Variants in RALGPS1 observed in about 807,000 individuals in gnomAD.
RALGPS1 encodes Ral GEF with PH domain and SH3 binding motif 1, also known as ras-specific guanine nucleotide-releasing factor RalGPS1.
Under a neutral mutation model 78.8 loss-of-function variants are expected in RALGPS1, and 19 were observed. The observed-to-expected ratio is 0.24, with a 90% CI of 0.17 to 0.35. The LOEUF is 0.35. Among genes scored for constraint, RALGPS1 ranks in the 10% least tolerant of loss-of-function variants. The pLI, the probability that RALGPS1 is intolerant of heterozygous loss-of-function variation, is 1.00. For missense variants in RALGPS1, 454 were observed against 688.3 expected (o/e 0.66, Z 3.81); for synonymous variants, 228 against 256.3 (o/e 0.89, Z 1.06).
rs1320287552 is a variant in RALGPS1, at chr9:127,220,881, C to G, written c.*2112C>G. On this transcript the variant is annotated 3_prime_UTR_variant, in exon 19 of 19. Coordinates refer to ENST00000259351, the MANE Select transcript of RALGPS1 (RefSeq NM_014636.3). The stretch of plus-strand genomic sequence containing the variant: ...AGGCACCACAAAAACAGGTAATTTT[C>G]TATCCCTTATAAGTTTGTCTTTTCT... The G allele has an allele frequency of 6.6e-6, 1 of 152,634 alleles. No individual in the cohort carries two copies. Among genetic ancestry groups the G allele is most frequent in the Non-Finnish European group, 1.5e-5 (1 of 68,040 alleles). The allele number at this position is 152,634 out of a possible 1,614,324, so 9.5% of individuals were successfully genotyped here.
chr9:127,085,916 A>C (rs998938853), intron 8 of RALGPS1, among the ~76,000 whole-genome samples: 1 of 152,180 alleles, frequency 6.6e-6, no homozygotes, highest in African/African-American at 2.4e-5. Context: ...TGTGATCCCA[A>C]CAACTGACTA....
At chr9:126,932,257 G>A (rs1481426130) in intron 1 of RALGPS1, among the ~76,000 whole-genome samples, 3 of 152,216 alleles carry the variant, frequency 2.0e-5, no homozygotes, top group Non-Finnish European at 4.4e-5. Context: ...TGTTGGTGAG[G>A]TTGTGGAGCG....
intron 8 of RALGPS1, among the ~76,000 whole-genome samples, chr9:127,142,145 G>A (rs557387633): frequency 4.0e-4 from 61 of 152,342 alleles, no homozygotes; most frequent in African/African-American, 1.3e-3. Flanking sequence ...CTGCCCTGCG[G>A]TCTGAGCCCT....
intron 8 of RALGPS1, among the ~76,000 whole-genome samples, chr9:127,162,526 G>T (rs1008443461): frequency 6.6e-6 from 1 of 152,208 alleles, no homozygotes; most frequent in African/African-American, 2.4e-5. Flanking sequence ...TTATAGGGAA[G>T]TTCTTTCTAG....
intron 1 of RALGPS1, among the ~76,000 whole-genome samples, chr9:126,947,360 A>G (rs1397828396): frequency 6.6e-6 from 1 of 152,218 alleles, no homozygotes; most frequent in African/African-American, 2.4e-5. Context: ...AAATGCTCCA[A>G]AATCTGAGAC....
chr9:127,051,190 A>C (rs912652120), intron 6 of RALGPS1, among the ~76,000 whole-genome samples: 1 of 152,208 alleles, frequency 6.6e-6, no homozygotes, highest in Non-Finnish European at 1.5e-5. Context: ...TGCTGGGCTT[A>C]ATGATATTTG....
intron 5 of RALGPS1, 34 bp from the exon 6 acceptor site, chr9:127,050,009 G>A (rs2048159291): frequency 6.7e-7 from 1 of 1,483,734 alleles, no homozygotes; most frequent in Non-Finnish European, 9.4e-7. Context: ...TTTCTGGTGT[G>A]TATGTGTGTA....
rs141980024 is a variant in RALGPS1, at chr9:126,923,625, T to C, written c.-66+8650T>C. Among the ~76,000 whole-genome samples the C allele has an allele frequency of 5.0e-3, 764 of 152,332 alleles. 4 individuals carry two copies. The highest frequency in any genetic ancestry group is 0.016 in the African/African-American group (680 of 41,582). On this transcript the variant is annotated intron_variant, in intron 1 of 18. Transcript: ENST00000259351. ...ATGGCTAAAGTATAGTAATGCTTGG[T>C]ACCTGTGATGATTAGTTTGTAACTA...
intron 8 of RALGPS1, among the ~76,000 whole-genome samples, chr9:127,137,758 C>T (rs940311912): frequency 1.6e-4 from 24 of 152,170 alleles, no homozygotes; most frequent in African/African-American, 5.6e-4. Flanking sequence ...GTGAGCAGAT[C>T]AGGTGTGGGC....
intron 11 of RALGPS1, among the ~76,000 whole-genome samples, chr9:127,177,430 G>A (rs1293793991): frequency 1.3e-5 from 2 of 152,184 alleles, no homozygotes; most frequent in Non-Finnish European, 2.9e-5. Flanking sequence ...TTCCTGCCAG[G>A]GCGATGGCGA....
At chr9:127,061,142 G>A (rs200473410) in intron 7 of RALGPS1, among the ~76,000 whole-genome samples, 11 of 152,124 alleles carry the variant, frequency 7.2e-5, no homozygotes, top group African/African-American at 1.9e-4. Context: ...CATAATAGAC[G>A]CATTTTGACA....
intron 9 of RALGPS1, among the ~76,000 whole-genome samples, chr9:127,166,829 T>G: frequency 6.6e-6 from 1 of 151,498 alleles, no homozygotes; most frequent in South Asian, 2.1e-4. Context: ...GATGGTGGGG[T>G]GTGTAAGAGG....
intron 8 of RALGPS1, among the ~76,000 whole-genome samples, chr9:127,121,475 A>G (rs1191873124): frequency 2.6e-5 from 4 of 152,250 alleles, no homozygotes; most frequent in Admixed American, 2.0e-4. Context: ...CAAGTAACTG[A>G]ACTGGCCTCT....
In RALGPS1 at chr9:127,220,401, G is replaced by A. The variant is rs565682731; in HGVS notation, c.*1632G>A. 29 of 152,364 alleles carry A rather than the reference G, an allele frequency of 1.9e-4. No individual in the cohort carries two copies. Among genetic ancestry groups the A allele is most frequent in the Admixed American group, 1.6e-3 (24 of 15,306 alleles). The allele number at this position is 152,364 out of a possible 1,614,324, so 9.4% of individuals were successfully genotyped here. A position where few individuals can be genotyped will look rare whatever the true frequency, so the allele number is the denominator to read the frequency against. ...TCTTTAGAAATTTGAATGGCTTGGTGAGGAAAGTAGTTGTCACCAGGGCCT... is the reference window on the plus strand; with the variant it reads ...TCTTTAGAAATTTGAATGGCTTGGTAAGGAAAGTAGTTGTCACCAGGGCCT... On this transcript the variant is annotated 3_prime_UTR_variant, in exon 19 of 19. Coordinates refer to ENST00000259351, the MANE Select transcript of RALGPS1 (RefSeq NM_014636.3).
intron 14 of RALGPS1, among the ~76,000 whole-genome samples, chr9:127,203,549 A>G (rs529785848): frequency 6.6e-6 from 1 of 151,718 alleles, no homozygotes; most frequent in African/African-American, 2.4e-5. Context: ...GGGTGAGAGG[A>G]GGCCCCTGTA....
chr9:126,952,523 G>T (rs1354229396), intron 1 of RALGPS1, among the ~76,000 whole-genome samples: 3 of 152,104 alleles, frequency 2.0e-5, no homozygotes, highest in African/African-American at 4.8e-5. Flanking sequence ...CCTTACACAA[G>T]GGGGCCTTTC....
At chr9:126,962,171 G>T (rs1424027432) in intron 1 of RALGPS1, 54 bp from the exon 2 acceptor site, 2 of 939,360 alleles carry the variant, frequency 2.1e-6, no homozygotes, top group South Asian at 1.5e-5. Flanking sequence ...TTGCCTGGGG[G>T]TGGGGATAAA....
At chr9:127,089,252 C>G in intron 8 of RALGPS1, 6 of 1,136,754 alleles carry the variant, frequency 5.3e-6, no homozygotes, top group Non-Finnish European at 7.7e-6. Flanking sequence ...AGCAAGAACG[C>G]TTGAAAGGTG....
chr9:127,008,111 T>C (rs1178899136), intron 4 of RALGPS1, among the ~76,000 whole-genome samples: 1 of 149,240 alleles, frequency 6.7e-6, no homozygotes, highest in Admixed American at 6.7e-5. Context: ...ATCTCCCAAG[T>C]TTCTGGTCTG....
Sources: gnomAD v4.1 joint callset for allele counts (sites outside exome capture counted in the v4.1 genomes callset) on GRCh38, gnomAD v4.1.1 for gene constraint, MANE v1.5 for transcripts, NCBI Gene and HGNC (gene_info 2026-07-23, HGNC 2026-07-21) for gene names.